CORO7: variants seen among roughly 807,000 people sequenced by gnomAD.
CORO7 encodes the protein coronin-7.
A neutral mutation model predicts 126.6 loss-of-function variants in CORO7; 107 were observed. That is an observed-to-expected ratio of 0.85 (90% CI 0.72 to 0.99). The LOEUF (loss-of-function observed/expected upper bound fraction) is 0.99, where lower values mean the gene tolerates loss of function less well. CORO7 is among the 50% of genes least tolerant of loss of function. The pLI is 0.00. For synonymous variants in CORO7, 603 were observed against 536.8 expected (o/e 1.12, Z -1.70); for missense variants, 1,314 against 1,255.8 (o/e 1.05, Z -0.70).
At chr16:4,388,443 C>A in intron 8 of CORO7, 102 bp downstream of exon 8, 1 of 1,313,580 alleles carries the variant, frequency 7.6e-7, no homozygotes, top group South Asian at 1.3e-5. Context: ...AGGCCTGGAA[C>A]TGGCCCTCAG....
At chr16:4,381,778 A>T in intron 9 of CORO7, 3 of 1,600,924 alleles carry the variant, frequency 1.9e-6, no homozygotes, top group Non-Finnish European at 2.5e-6. Context: ...CAACCCCTTC[A>T]ACTGCGTGTG....
chr16:4,381,309 C>T lies in CORO7; in HGVS notation c.785+6677G>A, dbSNP rs765216259. ...TCCGCCACATCCAGCCTGGTGCCTT[C>T]GACACGCTCGACCGCCTCCTGGAGC... On this transcript the variant is annotated intron_variant, in intron 9 of 27. Coordinates refer to ENST00000251166, the MANE Select transcript of CORO7 (RefSeq NM_024535.5). 8 of 1,611,774 alleles carry T rather than the reference C, an allele frequency of 5.0e-6. No homozygotes were observed. In the Admixed American group the frequency reaches 6.7e-5, roughly 13 times the overall value.
intron 3 of CORO7, 62 bp downstream of exon 3, chr16:4,412,294 T>G: frequency 1.9e-6 from 3 of 1,584,716 alleles, no homozygotes; most frequent in Non-Finnish European, 2.6e-6. Context: ...AGGATGAATT[T>G]CTGGCCCTGG....
Position 4,387,287 on chromosome 16 carries a change from G to A in CORO7, c.785+699C>T, listed in dbSNP as rs1337603005. On this transcript the variant is annotated intron_variant, in intron 9 of 27. Transcript: ENST00000251166. Reference sequence around the variant, plus strand: ...GGTGTCTGGCTCCTGAGCCGCAGTGGGCCAAGGCCATCTCGGCACACAGCT... The same window carrying A: ...GGTGTCTGGCTCCTGAGCCGCAGTGAGCCAAGGCCATCTCGGCACACAGCT... 5.3e-5 allele frequency among the ~76,000 whole-genome samples: 8 copies of A among 152,022 alleles called. No homozygotes were observed. In the East Asian group the frequency reaches 1.5e-3, roughly 29 times the overall value.
At chr16:4,395,995 GT>G (rs78998600) in intron 6 of CORO7, among the ~76,000 whole-genome samples, 2 of 26,388 alleles carry the variant, frequency 7.6e-5, no homozygotes, top group East Asian at 1.4e-3. Context: ...GCATGCACAC[GT>G]TGTGTGTGTG....
rs777250750 is a variant in CORO7, at chr16:4,364,820, C to T, written c.999G>A (p.Leu333=). The T allele has an allele frequency of 1.8e-5, 29 of 1,612,062 alleles. No homozygotes were observed. The highest frequency in any genetic ancestry group is 9.9e-5 in the South Asian group (9 of 90,996). Residue 333 remains leucine, a synonymous_variant, in exon 12 of 28, where the codon CTG becomes CTA. Coordinates refer to ENST00000251166, the MANE Select transcript of CORO7 (RefSeq NM_024535.5). ...MSCEVLRVLQ[L]SDTAIVPIGY... is the part of the protein sequence containing the mutation. ...CGATGGGCACGATGGCTGTGTCGCTCAGCTGTAGGACGCGGAGTACCTCGC... is the reference window on the plus strand; with the variant it reads ...CGATGGGCACGATGGCTGTGTCGCTTAGCTGTAGGACGCGGAGTACCTCGC...
chr16:4,398,784 A>G (rs898292127), intron 6 of CORO7, among the ~76,000 whole-genome samples: 3 of 151,862 alleles, frequency 2.0e-5, no homozygotes, highest in Non-Finnish European at 4.4e-5. Flanking sequence ...TGTGGCCAAC[A>G]TAGTGAAACT....
At chr16:4,366,461 T>C (rs1265307575) in intron 9 of CORO7, among the ~76,000 whole-genome samples, 2 of 151,450 alleles carry the variant, frequency 1.3e-5, no homozygotes, top group African/African-American at 4.9e-5. Flanking sequence ...TTGAGGGGAA[T>C]GGGGACCTGG....
chr16:4,409,051 G>A (rs2056109866), intron 3 of CORO7, among the ~76,000 whole-genome samples: 1 of 152,148 alleles, frequency 6.6e-6, no homozygotes, highest in Non-Finnish European at 1.5e-5. Context: ...ACCCCAGAGG[G>A]AAATGCGGTG....
intron 21 of CORO7, among the ~76,000 whole-genome samples, 192 bp from the exon 22 acceptor site, chr16:4,359,813 C>T (rs2054100786): frequency 6.6e-6 from 1 of 151,840 alleles, no homozygotes; most frequent in African/African-American, 2.4e-5. Flanking sequence ...CTCCACTAAT[C>T]ACTCACCCAT....
At chr16:4,370,502 C>G (rs2054486776) in intron 9 of CORO7, among the ~76,000 whole-genome samples, 1 of 152,238 alleles carries the variant, frequency 6.6e-6, no homozygotes, top group African/African-American at 2.4e-5. Flanking sequence ...GTTGTAAAAA[C>G]TCCCATAAAG....
chr16:4,405,627 G>A, intron 5 of CORO7, 60 bp from the exon 6 acceptor site: 3 of 1,577,708 alleles, frequency 1.9e-6, no homozygotes, highest in Non-Finnish European at 2.6e-6. Context: ...AAGTGGGTGG[G>A]GGCGGGCCTT....
At chr16:4,361,879 T>G in intron 16 of CORO7, 106 bp downstream of exon 16, 1 of 1,502,018 alleles carries the variant, frequency 6.7e-7, no homozygotes, top group Admixed American at 2.0e-5. Context: ...GGCAGGAGCC[T>G]GACACAAGGT....
At chr16:4,412,889 G>C (rs1316944415) in intron 2 of CORO7, 4 of 221,666 alleles carry the variant, frequency 1.8e-5, no homozygotes, top group Non-Finnish European at 3.6e-5. Flanking sequence ...TCCATTTTTT[G>C]CTTAAGCCAG....
intron 1 of CORO7, chr16:4,416,054 G>A (rs1247192226): frequency 3.9e-6 from 1 of 256,708 alleles, no homozygotes; most frequent in Non-Finnish European, 6.3e-6. Context: ...CCAGGGGCAG[G>A]GGCGACCCGG....
chr16:4,384,170 C>G (rs909443276), intron 9 of CORO7, among the ~76,000 whole-genome samples: 11 of 152,220 alleles, frequency 7.2e-5, no homozygotes, highest in African/African-American at 2.7e-4. Flanking sequence ...GCAGGACAAG[C>G]TGGGGGACAG....
intron 9 of CORO7, among the ~76,000 whole-genome samples, chr16:4,373,949 T>C (rs2054622147): frequency 6.6e-6 from 1 of 152,034 alleles, no homozygotes; most frequent in African/African-American, 2.4e-5. Flanking sequence ...GTTAGTGACC[T>C]CTCCTGGACC....
At chr16:4,382,415 T>C (rs2055018603) in intron 9 of CORO7, 1 of 1,611,604 alleles carries the variant, frequency 6.2e-7, no homozygotes, top group Non-Finnish European at 8.5e-7. Context: ...ACGCTGCGAC[T>C]GCCTGCCTCG....
Position 4,364,405 on chromosome 16 carries a change from C to T in CORO7, c.1146G>A (p.Lys382=), listed in dbSNP as rs1217584240. The T allele has an allele frequency of 4.0e-6, 6 of 1,506,038 alleles. No individual in the cohort carries two copies. The highest frequency in any genetic ancestry group is 1.4e-5 in the African/African-American group (1 of 71,620). The allele number at this position is 1,506,038 out of a possible 1,614,324, so 93.3% of individuals were successfully genotyped here. A position where few individuals can be genotyped will look rare whatever the true frequency, so the allele number is the denominator to read the frequency against. The change falls in exon 14 of 28, where the codon AAG becomes AAA. Residue 382 remains lysine, a synonymous_variant. Transcript: ENST00000251166. ...WWAGDNQQVQ[K]VSLNPACRPH... is the part of the protein sequence containing the mutation. ...GCCGGCAGGCGGGGTTGAGGCTGAC[C>T]TTCTGCACCTGCATGGAGGCCGGCA... is the stretch of plus-strand genomic sequence containing the variant.
Sources: gnomAD v4.1 joint callset for allele counts (sites outside exome capture counted in the v4.1 genomes callset) on GRCh38, gnomAD v4.1.1 for gene constraint, MANE v1.5 for transcripts, NCBI Gene and HGNC (gene_info 2026-07-23, HGNC 2026-07-21) for gene names.